Variants in FHIT observed in about 807,000 individuals in gnomAD.
FHIT encodes the protein bis(5'-adenosyl)-triphosphatase.
In FHIT, 19 loss-of-function variants were observed where a neutral mutation model predicts 17.9. That is an observed-to-expected ratio of 1.06 (90% confidence interval 0.74 to 1.56). The LOEUF (loss-of-function observed/expected upper bound fraction) is 1.56, where lower values mean the gene tolerates loss of function less well. Among genes scored for constraint, FHIT ranks in the 40% most tolerant of loss-of-function variants. The pLI is 0.00. For missense variants in FHIT, 248 were observed against 189.2 expected (o/e 1.31, Z -1.82); for synonymous variants, 81 against 69.7 (o/e 1.16, Z -0.81).
chr3:60,721,821 T>C (rs1553708138), intron 4 of FHIT, among the ~76,000 whole-genome samples: 1 of 152,160 alleles, frequency 6.6e-6, no homozygotes, highest in East Asian at 1.9e-4. Flanking sequence ...TTATTATTAT[T>C]ATTTCAAGCA....
At chr3:60,969,185 A>G (rs1709890994) in intron 3 of FHIT, among the ~76,000 whole-genome samples, 1 of 152,160 alleles carries the variant, frequency 6.6e-6, no homozygotes, top group Non-Finnish European at 1.5e-5. Flanking sequence ...ATTTCTAATT[A>G]TGAAGCTAAT....
At chr3:60,971,130 G>C (rs1709984277) in intron 3 of FHIT, among the ~76,000 whole-genome samples, 2 of 152,128 alleles carry the variant, frequency 1.3e-5, no homozygotes, top group South Asian at 4.1e-4. Context: ...CACTTTGGGA[G>C]GTCAAGGCAG....
chr3:60,819,508 GA>G (rs1406623212), intron 4 of FHIT, among the ~76,000 whole-genome samples: 5 of 152,068 alleles, frequency 3.3e-5, no homozygotes, highest in Non-Finnish European at 7.4e-5. Context: ...CTGCCTCATT[GA>G]AAACTGCAAT....
At chr3:60,099,845 C>T (rs773557146) in intron 5 of FHIT, among the ~76,000 whole-genome samples, 7 of 152,126 alleles carry the variant, frequency 4.6e-5, no homozygotes, top group Admixed American at 2.6e-4. Context: ...TTCATGAAAG[C>T]GGAAACTCTG....
chr3:60,715,657 A>G (rs2041664652), intron 4 of FHIT, among the ~76,000 whole-genome samples: 1 of 150,076 alleles, frequency 6.7e-6, no homozygotes, highest in East Asian at 2.0e-4. Context: ...GCCTTAGGAG[A>G]TATACCTAAT....
At chr3:60,164,070 A>G (rs1201548057) in intron 5 of FHIT, among the ~76,000 whole-genome samples, 2 of 152,078 alleles carry the variant, frequency 1.3e-5, no homozygotes, top group Non-Finnish European at 2.9e-5. Flanking sequence ...TTTTTTTTGG[A>G]ATTTCTCCCT....
intron 3 of FHIT, among the ~76,000 whole-genome samples, chr3:60,825,415 G>A (rs541102805): frequency 1.3e-4 from 20 of 152,268 alleles, no homozygotes; most frequent in Middle Eastern, 3.4e-3. Context: ...GGGCAGAAAA[G>A]CAACACAAAG....
intron 2 of FHIT, among the ~76,000 whole-genome samples, chr3:61,184,821 C>T (rs9870560): frequency 0.22 from 33,602 of 152,050 alleles, 4,823 homozygotes; most frequent in East Asian, 0.71. Flanking sequence ...AGAATCCACT[C>T]TAATGAACAC....
At chr3:60,772,909 A>G (rs1700093232) in intron 4 of FHIT, among the ~76,000 whole-genome samples, 1 of 152,112 alleles carries the variant, frequency 6.6e-6, no homozygotes, top group East Asian at 1.9e-4. Context: ...ACTCCCTATG[A>G]TTAAATCTCC....
chr3:61,154,167 G>A (rs1388444807), intron 2 of FHIT, among the ~76,000 whole-genome samples: 1 of 152,152 alleles, frequency 6.6e-6, no homozygotes, highest in African/African-American at 2.4e-5. Context: ...CTCGCACGTG[G>A]CAGATTCCTC....
intron 2 of FHIT, among the ~76,000 whole-genome samples, chr3:61,117,657 G>A (rs1436986370): frequency 6.6e-6 from 1 of 152,160 alleles, no homozygotes; most frequent in Non-Finnish European, 1.5e-5. Flanking sequence ...TCTGACGAGT[G>A]GTTTTGAGGT....
At chr3:60,150,146 G>GCC (rs141139702) in intron 5 of FHIT, among the ~76,000 whole-genome samples, 1 of 151,162 alleles carries the variant, frequency 6.6e-6, no homozygotes, top group Non-Finnish European at 1.5e-5. Flanking sequence ...ACAGGCATGC[G>GCC]CCCCCCACGC....
rs1003296065 is a variant in FHIT at position 60,726,668 on chromosome 3, T to A, written c.-18+95251A>T. Among the ~76,000 whole-genome samples the A allele has an allele frequency of 4.6e-5, 7 of 152,178 alleles. No individual in the cohort carries two copies. The South Asian group carries it at 6.2e-4, about 14-fold the overall frequency. Reference sequence around the variant, plus strand: ...ATAAATACAATAATAATAGCTGACATGTATTGAGTCTTACATTATATAGCT... The same window carrying A: ...ATAAATACAATAATAATAGCTGACAAGTATTGAGTCTTACATTATATAGCT... On this transcript the variant is annotated intron_variant, in intron 4 of 9. Coordinates refer to ENST00000492590, the MANE Select transcript of FHIT (RefSeq NM_002012.4).
chr3:60,368,301 T>C (rs1004029329), intron 5 of FHIT, among the ~76,000 whole-genome samples: 4 of 152,058 alleles, frequency 2.6e-5, no homozygotes, highest in Non-Finnish European at 5.9e-5. Context: ...CATCATCTTA[T>C]TCACTGGATG....
At chr3:60,324,705 T>C (rs750963309) in intron 5 of FHIT, among the ~76,000 whole-genome samples, 1 of 152,156 alleles carries the variant, frequency 6.6e-6, no homozygotes, top group Non-Finnish European at 1.5e-5. Context: ...ATGCGTCCAC[T>C]ATATGGCTTG....
At chr3:60,305,038 G>A (rs889505590) in intron 5 of FHIT, among the ~76,000 whole-genome samples, 5 of 152,082 alleles carry the variant, frequency 3.3e-5, no homozygotes, top group African/African-American at 1.2e-4. Context: ...ATCTAAATTG[G>A]TGAAAATCCT....
At chr3:61,017,246 G>A (rs184621161) in intron 3 of FHIT, among the ~76,000 whole-genome samples, 7 of 152,264 alleles carry the variant, frequency 4.6e-5, no homozygotes, top group Admixed American at 3.9e-4. Context: ...CTGAGATTGC[G>A]CCACTGCACT....
chr3:59,828,859 G>GTT (rs896304165), intron 8 of FHIT, among the ~76,000 whole-genome samples: 4 of 151,640 alleles, frequency 2.6e-5, no homozygotes, highest in African/African-American at 9.7e-5. Flanking sequence ...GTGTGTGTGT[G>GTT]TGTGTGTGTG....
At chr3:61,055,033 G>T (rs10510858) in intron 2 of FHIT, among the ~76,000 whole-genome samples, 75,578 of 151,960 alleles carry the variant, frequency 0.5, 19,538 homozygotes, top group Non-Finnish European at 0.57. Context: ...ACGTGCATTT[G>T]CATACCTCTG....
Sources: allele counts gnomAD v4.1 joint callset (sites outside exome capture counted in the v4.1 genomes callset), GRCh38; gene constraint gnomAD v4.1.1; transcripts MANE v1.5; gene names NCBI Gene and HGNC (gene_info 2026-07-23, HGNC 2026-07-21).